The following KIF2C variants were observed in gnomAD, a reference collection of about 807,000 sequenced individuals.
KIF2C encodes the protein kinesin-like protein KIF2C.
KIF2C carries 34 observed loss-of-function variants against 97.4 expected under a neutral mutation model. The ratio of observed to expected loss-of-function variants is 0.35; its 90% CI spans 0.27 to 0.46. KIF2C has a LOEUF of 0.46. Among genes scored for constraint, KIF2C ranks in the 20% least tolerant of loss-of-function variants. The pLI is 1.00. For missense variants in KIF2C, 750 were observed against 907.6 expected (o/e 0.83, Z 2.23); for synonymous variants, 313 against 318.2 (o/e 0.98, Z 0.17).
At position 44,749,445 on chromosome 1, in the gene KIF2C, A is replaced by G. The variant is rs1649391714; in HGVS notation, c.317-997A>G. Among the ~76,000 whole-genome samples the G allele has an allele frequency of 2.0e-5, 3 of 149,472 alleles. No individual in the cohort carries two copies. In the South Asian group the frequency reaches 6.4e-4, roughly 32 times the overall value. On this transcript the variant is annotated intron_variant, in intron 4 of 20. Coordinates refer to ENST00000372224, the MANE Select transcript of KIF2C (RefSeq NM_006845.4). ...GTGAGACTCGGTCTCAAAAAAACAAAGAAAAAAAATTACAGATCATTTGGG... is the reference window on the plus strand; with the variant it reads ...GTGAGACTCGGTCTCAAAAAAACAAGGAAAAAAAATTACAGATCATTTGGG...
chr1:44,741,670 G>C (rs1036763061), intron 2 of KIF2C, among the ~76,000 whole-genome samples: 5 of 152,072 alleles, frequency 3.3e-5, no homozygotes, highest in Admixed American at 6.6e-5. Flanking sequence ...GGGCGACAGA[G>C]TGAGACCTTT....
rs756259057 is a variant in KIF2C at position 44,756,163 on chromosome 1, A to T, written c.903A>T (p.Thr301=). 1 of 1,614,120 alleles carries T rather than the reference A, an allele frequency of 6.2e-7. No homozygotes were observed. Among genetic ancestry groups the T allele is most frequent in the African/African-American group, 1.3e-5 (1 of 74,942 alleles). The change falls in exon 10 of 21, where the codon ACA becomes ACT. Residue 301 remains threonine, a synonymous_variant. Coordinates refer to ENST00000372224, the MANE Select transcript of KIF2C (RefSeq NM_006845.4). ...VHEPKLKVDL[T]KYLENQAFCF... is the part of the protein sequence containing the mutation. ...AACCCAAGTTGAAAGTGGACTTAACAAAGTATCTGGAGAACCAAGCATTCT... is the reference window on the plus strand; with the variant it reads ...AACCCAAGTTGAAAGTGGACTTAACTAAGTATCTGGAGAACCAAGCATTCT...
rs550765581 is a variant in KIF2C, at chr1:44,759,291, A to G, written c.1310A>G (p.His437Arg). 1.2e-6 allele frequency: 2 copies of G among 1,614,204 alleles called. No individual in the cohort carries two copies. The highest frequency in any genetic ancestry group is 1.7e-6 in the Non-Finnish European group (2 of 1,180,038). ...QQVQVVGLQE[H>R]LVNSADDVIK... The stretch of plus-strand genomic sequence containing the variant: ...GTGCAAGTGGTGGGGCTGCAGGAGC[A>G]TCTGGTTAACTCTGCTGATGATGTC... Residue 437 changes from histidine (H) to arginine (R), a missense_variant, in exon 14 of 21, where the codon CAT becomes CGT. His to Arg is a conservative substitution (Grantham distance 29). Coordinates refer to ENST00000372224, the MANE Select transcript of KIF2C (RefSeq NM_006845.4).
chr1:44,760,743 C>T lies in KIF2C; in HGVS notation c.1683+41C>T, dbSNP rs746222235. On this transcript the variant is annotated intron_variant, in intron 16 of 20. Coordinates refer to ENST00000372224, the MANE Select transcript of KIF2C (RefSeq NM_006845.4). The surrounding 1 kb of genome is among the most constrained non-coding windows in gnomAD (Gnocchi z 4.2). ...TTGAAGGTGATGGTACAGGAGGAGA[C>T]AGAGTTGCTTTCCACAGAGACACTT... 4 of 1,511,472 alleles carry T rather than the reference C, an allele frequency of 2.6e-6. No individual in the cohort carries two copies. Among genetic ancestry groups the T allele is most frequent in the Non-Finnish European group, 3.7e-6 (4 of 1,088,930 alleles). 93.6% of individuals were successfully genotyped at this position (1,511,472 alleles called of 1,614,324 possible). A position where few individuals can be genotyped will look rare whatever the true frequency, so the allele number is the denominator to read the frequency against.
chr1:44,740,102 C>T lies in KIF2C; in HGVS notation c.70+100C>T, dbSNP rs561410292. The T allele has an allele frequency of 4.4e-6, 6 of 1,350,146 alleles. No homozygotes were observed. The Admixed American group carries it at 5.0e-5, about 11-fold the overall frequency. The allele number at this position is 1,350,146 out of a possible 1,614,324, so 83.6% of individuals were successfully genotyped here. A position where few individuals can be genotyped will look rare whatever the true frequency, so the allele number is the denominator to read the frequency against. On this transcript the variant is annotated intron_variant, in intron 1 of 20. Transcript: ENST00000372224. ...ACACAGATGGGCTTTCACTCTCTTTCTCTCCCTCCCTCCTTTTCACACGCA... is the reference window on the plus strand; with the variant it reads ...ACACAGATGGGCTTTCACTCTCTTTTTCTCCCTCCCTCCTTTTCACACGCA...
At position 44,764,018 on chromosome 1, in the gene KIF2C, G is replaced by A. The variant is rs191182916; in HGVS notation, c.1971+1360G>A. Among the ~76,000 whole-genome samples the A allele has an allele frequency of 3.1e-3, 465 of 148,138 alleles. 3 individuals carry two copies. The highest frequency in any genetic ancestry group is 0.011 in the African/African-American group (443 of 38,894). ...ACTGCACTCTAGCCTGGGTGACAGAGCAAGACTCCATCTCAGAAAAAAAAA... is the reference window on the plus strand; with the variant it reads ...ACTGCACTCTAGCCTGGGTGACAGAACAAGACTCCATCTCAGAAAAAAAAA... On this transcript the variant is annotated intron_variant, in intron 19 of 20. Coordinates refer to ENST00000372224, the MANE Select transcript of KIF2C (RefSeq NM_006845.4).
Position 44,762,612 on chromosome 1 carries a change from G to C in KIF2C, c.1925G>C (p.Arg642Thr). The part of the protein sequence containing the change: ...SSFNEAMTQI[R>T]ELEEKAMEEL... ...TTTAACGAAGCCATGACTCAGATCA[G>C]GGAGCTGGAGGAGAAGGCTATGGAA... Residue 642 changes from arginine (R) to threonine (T), a missense_variant, in exon 19 of 21, where the codon AGG becomes ACG. Coordinates refer to ENST00000372224, the MANE Select transcript of KIF2C (RefSeq NM_006845.4). 1 of 1,614,122 alleles carries C rather than the reference G, an allele frequency of 6.2e-7. No individual in the cohort carries two copies. Among genetic ancestry groups the C allele is most frequent in the Non-Finnish European group, 8.5e-7 (1 of 1,180,004 alleles).
At chr1:44,747,798 T>G (rs892031490) in intron 4 of KIF2C, 98 bp downstream of exon 4, 9 of 1,057,222 alleles carry the variant, frequency 8.5e-6, no homozygotes, top group South Asian at 2.8e-5. Flanking sequence ...GCAGGTGGTT[T>G]CTATGTGGGT....
At position 44,753,850 on chromosome 1, in the gene KIF2C, A is replaced by G. The variant is rs774749336; in HGVS notation, c.663+17A>G. Reference sequence around the variant, plus strand: ...AGAGCTCAGGTACCTTTCTTGGGAGACTAGGGTAAGGGTTTTTGGACAGGT... The same window carrying G: ...AGAGCTCAGGTACCTTTCTTGGGAGGCTAGGGTAAGGGTTTTTGGACAGGT... On this transcript the variant is annotated intron_variant, in intron 7 of 20. Coordinates refer to ENST00000372224, the MANE Select transcript of KIF2C (RefSeq NM_006845.4). 2.6e-6 allele frequency: 4 copies of G among 1,534,668 alleles called. No individual in the cohort carries two copies. Among genetic ancestry groups the G allele is most frequent in the Non-Finnish European group, 3.6e-6 (4 of 1,120,792 alleles).
At position 44,760,322 on chromosome 1, in the gene KIF2C, C is replaced by G; in HGVS notation, c.1410C>G (p.Ser470=). 1.2e-6 allele frequency: 2 copies of G among 1,614,182 alleles called. No homozygotes were observed. Among genetic ancestry groups the G allele is most frequent in the Non-Finnish European group, 1.7e-6 (2 of 1,180,050 alleles). ...TTGCCAACTCCAATTCCTCCCGCTC[C>G]CACGCGTGCTTCCAAATTATTCTTC... ...QTFANSNSSR[S]HACFQIILRA... is the part of the protein sequence containing the mutation. The change falls in exon 15 of 21, where the codon TCC becomes TCG. Residue 470 remains serine (S), a synonymous_variant. Transcript: ENST00000372224. The surrounding 1 kb of genome is among the most constrained non-coding windows in gnomAD (Gnocchi z 4.2).
intron 6 of KIF2C, 77 bp from the exon 7 acceptor site, chr1:44,753,652 TAGCC>T: frequency 2.2e-6 from 2 of 916,488 alleles, no homozygotes; most frequent in South Asian, 3.4e-5. Flanking sequence ...ACTCAGTAAA[TAGCC>T]AGAGAAGAGT....
rs1460734234 is a variant in KIF2C, at chr1:44,758,016, A to G, written c.1133-33A>G. 5 of 1,614,004 alleles carry G rather than the reference A, an allele frequency of 3.1e-6. No homozygotes were observed. In the South Asian group the frequency reaches 3.3e-5, roughly 11 times the overall value. On this transcript the variant is annotated intron_variant, in intron 12 of 20. Coordinates refer to ENST00000372224, the MANE Select transcript of KIF2C (RefSeq NM_006845.4). The stretch of plus-strand genomic sequence containing the variant: ...GCTTCAGGGTTGGGCACAGAAAGGC[A>G]GGTTGTTTGCTTAGCAAAGTTCTCT...
chr1:44,762,475 C>G, intron 18 of KIF2C, 24 bp downstream of exon 18: 1 of 1,611,926 alleles, frequency 6.2e-7, no homozygotes, highest in African/African-American at 1.3e-5. Flanking sequence ...TGCGGCCAAG[C>G]AAGACAGAAG....
chr1:44,754,026 C>T (rs1307426021), intron 7 of KIF2C, among the ~76,000 whole-genome samples, 193 bp downstream of exon 7: 2 of 126,556 alleles, frequency 1.6e-5, no homozygotes, highest in Non-Finnish European at 3.1e-5. Context: ...GTGATCTCGG[C>T]TCACTGCAAC....
chr1:44,748,462 G>A (rs1405776832), intron 4 of KIF2C, among the ~76,000 whole-genome samples: 4 of 152,172 alleles, frequency 2.6e-5, no homozygotes, highest in African/African-American at 7.2e-5. Flanking sequence ...TGGGTGTACC[G>A]TAAGGTCATG....
intron 5 of KIF2C, among the ~76,000 whole-genome samples, 158 bp from the exon 6 acceptor site, chr1:44,752,974 G>A (rs577868671): frequency 6.6e-6 from 1 of 152,338 alleles, no homozygotes; most frequent in South Asian, 2.1e-4. Context: ...GGGTGAGAGT[G>A]TGGGCTGAGG....
chr1:44,753,218 A>C lies in KIF2C; in HGVS notation c.526A>C (p.Ile176Leu). 1 of 1,613,906 alleles carries C rather than the reference A, an allele frequency of 6.2e-7. No individual in the cohort carries two copies. The highest frequency in any genetic ancestry group is 8.5e-7 in the Non-Finnish European group (1 of 1,179,874). The change falls in exon 6 of 21, where the codon ATC becomes CTC. Residue 176 changes from isoleucine (I) to leucine (L), a missense_variant. Physicochemically the swap from Ile to Leu is conservative, Grantham distance 5 (BLOSUM62 2). Transcript: ENST00000372224. ...GGAGATGGAAGAGCAAGTCCATTCCATCCGAGGCAGCTCTTCTGCAAACCC... is the reference window on the plus strand; with the variant it reads ...GGAGATGGAAGAGCAAGTCCATTCCCTCCGAGGCAGCTCTTCTGCAAACCC... ...SEEMEEQVHS[I>L]RGSSSANPVN...
At chr1:44,746,691 C>A in intron 2 of KIF2C, 2 of 1,537,806 alleles carry the variant, frequency 1.3e-6, no homozygotes, top group African/African-American at 1.4e-5. Flanking sequence ...CTGCCCTCCT[C>A]TTCACCTCAT....
rs1473461455 is a variant in KIF2C at position 44,757,893 on chromosome 1, C to T, written c.1069-15C>T. The T allele has an allele frequency of 1.9e-6, 3 of 1,613,418 alleles. No homozygotes were observed. The highest frequency in any genetic ancestry group is 2.7e-5 in the African/African-American group (2 of 74,902). On this transcript the variant is annotated splice_polypyrimidine_tract_variant and intron_variant, in intron 11 of 20. Coordinates refer to ENST00000372224, the MANE Select transcript of KIF2C (RefSeq NM_006845.4). ...ACAGCCCTTTTCCATGGTCTTCTAC[C>T]CCTTCCCTTTGCAGACTATGGGCGG...
Sources: gnomAD v4.1 joint callset for allele counts (sites outside exome capture counted in the v4.1 genomes callset) on GRCh38, gnomAD v4.1.1 for gene constraint, Gnocchi (gnomAD v3.1) non-coding constraint, MANE v1.5 for transcripts, NCBI Gene and HGNC (gene_info 2026-07-23, HGNC 2026-07-21) for gene names.